Variants in CPSF3 observed in about 807,000 individuals in gnomAD.
CPSF3 encodes cleavage and polyadenylation specific factor 3.
A neutral mutation model predicts 84.1 loss-of-function variants in CPSF3; 57 were observed. That is an observed-to-expected ratio of 0.68 (90% CI 0.55 to 0.85). The LOEUF (loss-of-function observed/expected upper bound fraction) is 0.85, where lower values mean the gene tolerates loss of function less well. Among genes scored for constraint, CPSF3 ranks in the 40% least tolerant of loss-of-function variants. The pLI is 0.00. For synonymous variants in CPSF3, 275 were observed against 278.1 expected (o/e 0.99, Z 0.11); for missense variants, 522 against 838.8 (o/e 0.62, Z 4.66).
At chr2:9,460,915 TACCCTTC>T (rs1681708536) in intron 15 of CPSF3, among the ~76,000 whole-genome samples, 1 of 152,206 alleles carries the variant, frequency 6.6e-6, no homozygotes, top group South Asian at 2.1e-4. Flanking sequence ...CCTCAGCCTT[TACCCTTC>T]ACACACCATT....
At chr2:9,449,505 G>A (rs939986301) in intron 11 of CPSF3, among the ~76,000 whole-genome samples, 2 of 152,188 alleles carry the variant, frequency 1.3e-5, no homozygotes, top group Admixed American at 1.3e-4. Context: ...ACTTTGGGAG[G>A]CCAAGTCAGG....
chr2:9,423,941 T>C, intron 1 of CPSF3, 118 bp downstream of exon 1: 3 of 1,490,282 alleles, frequency 2.0e-6, no homozygotes, highest in Non-Finnish European at 2.7e-6. Flanking sequence ...CTGCCTTTGG[T>C]CCGCGCTTGC....
intron 14 of CPSF3, among the ~76,000 whole-genome samples, chr2:9,459,112 CAA>C (rs553161569): frequency 7.4e-6 from 1 of 135,588 alleles, no homozygotes; most frequent in Non-Finnish European, 1.6e-5. Flanking sequence ...AATTCCATCT[CAA>C]AAAAAAAAAA....
chr2:9,440,368 T>A, intron 7 of CPSF3, 123 bp from the exon 8 acceptor site: 1 of 833,098 alleles, frequency 1.2e-6, no homozygotes, highest in East Asian at 2.6e-5. Context: ...CTTTAAAATA[T>A]AGTTGTGTGC....
chr2:9,456,977 G>A lies in CPSF3; in HGVS notation c.1648G>A (p.Val550Met), dbSNP rs1448665915. Residue 550 changes from valine (V) to methionine (M), a missense_variant, in exon 14 of 18, where the codon GTG becomes ATG. Val to Met is a conservative substitution (Grantham distance 21, BLOSUM62 1). Coordinates refer to ENST00000238112, the MANE Select transcript of CPSF3 (RefSeq NM_016207.4). Reference sequence around the variant, plus strand: ...AATTCAAGAAAAACCTGCTCTGAAAGTGTTCAAAAATATTACTGTAATACA... The same window carrying A: ...AATTCAAGAAAAACCTGCTCTGAAAATGTTCAAAAATATTACTGTAATACA... ...LEIQEKPALK[V>M]FKNITVIQEP... is the part of the protein sequence containing the mutation. The A allele has an allele frequency of 1.2e-6, 2 of 1,604,310 alleles. No individual in the cohort carries two copies. The highest frequency in any genetic ancestry group is 2.2e-5 in the East Asian group (1 of 44,692).
intron 4 of CPSF3, 74 bp downstream of exon 4, chr2:9,430,954 G>A: frequency 1.7e-6 from 2 of 1,185,072 alleles, no homozygotes; most frequent in South Asian, 1.4e-5. Context: ...GGACCATTTT[G>A]TGTTTTAAAA....
chr2:9,433,835 C>T (rs1558450894), intron 5 of CPSF3, 36 bp from the exon 6 acceptor site: 1 of 1,451,082 alleles, frequency 6.9e-7, no homozygotes. Context: ...GAAGCCTTCC[C>T]CAAATCCTAA....
chr2:9,455,671 T>TGGC lies in CPSF3; in HGVS notation c.1518_1520dup (p.Ala507dup), dbSNP rs1373820471. On this transcript the variant is annotated inframe_insertion, in exon 13 of 18. Transcript: ENST00000238112. ...ATTTTCTCTTCAGATTATACTGACC[T>TGGC]GGCCATGAGCACGGTGAAGCAGACC... is the stretch of plus-strand genomic sequence containing the variant. The TGGC allele has an allele frequency of 7.4e-6, 12 of 1,613,576 alleles. No homozygotes were observed. Among genetic ancestry groups the TGGC allele is most frequent in the Non-Finnish European group, 1.0e-5 (12 of 1,179,496 alleles).
intron 6 of CPSF3, among the ~76,000 whole-genome samples, chr2:9,435,387 T>C (rs1053122707): frequency 6.6e-6 from 1 of 152,176 alleles, no homozygotes; most frequent in Non-Finnish European, 1.5e-5. Context: ...TTTTGGACTA[T>C]TTCATTTTAT....
intron 10 of CPSF3, among the ~76,000 whole-genome samples, chr2:9,447,172 C>G (rs1681153873): frequency 2.0e-5 from 3 of 152,128 alleles, no homozygotes; most frequent in African/African-American, 7.2e-5. Context: ...ATAAAATGTT[C>G]CATTTGGTTC....
At chr2:9,432,813 A>G (rs1680637803) in intron 5 of CPSF3, 125 bp downstream of exon 5, 2 of 642,444 alleles carry the variant, frequency 3.1e-6, no homozygotes, top group East Asian at 6.3e-5. Context: ...AACATAAGAT[A>G]AAAATACAGT....
chr2:9,432,583 C>T lies in CPSF3; in HGVS notation c.414C>T (p.Ile138=). Residue 138 remains isoleucine (I), a synonymous_variant, in exon 5 of 18, where the codon ATC becomes ATT. Coordinates refer to ENST00000238112, the MANE Select transcript of CPSF3 (RefSeq NM_016207.4). ...AAAGCATGGACAAAATTGAAACTAT[C>T]AACTTTCATGAAGTTAAGGAAGTTG... The part of the protein sequence containing the change: ...LEESMDKIET[I]NFHEVKEVAG... 6.4e-7 allele frequency: 1 copy of T among 1,573,026 alleles called. No individual in the cohort carries two copies. Among genetic ancestry groups the T allele is most frequent in the Non-Finnish European group, 8.7e-7 (1 of 1,150,928 alleles).
rs1216393477 is a variant in CPSF3 at position 9,444,158 on chromosome 2, A to ATAT, written c.1242+498_1242+499insATT. On this transcript the variant is annotated intron_variant, in intron 10 of 17. Coordinates refer to ENST00000238112, the MANE Select transcript of CPSF3 (RefSeq NM_016207.4). ...ATATATATTATATATATATATATAT[A>ATAT]TTTTTTTTTTTTTTGAGGCGGAGTC... Among the ~76,000 whole-genome samples the ATAT allele has an allele frequency of 8.0e-4, 98 of 123,164 alleles. 1 individual carries two copies. The highest frequency in any genetic ancestry group is 3.7e-3 in the African/African-American group (98 of 26,430). 80.8% of individuals were successfully genotyped at this position (123,164 alleles called of 152,430 possible). A position where few individuals can be genotyped will look rare whatever the true frequency, so the allele number is the denominator to read the frequency against.
In CPSF3 at chr2:9,471,482, TA is replaced by T. The variant is rs1373460838; in HGVS notation, c.1953+46del. On this transcript the variant is annotated intron_variant, in intron 17 of 17. Transcript: ENST00000238112. ...CCTACGTTTCAAGACATTTGGGAAA[TA>T]AAGTGAAGGCATAAATAATCTGTGC... 5.1e-6 allele frequency: 6 copies of T among 1,169,038 alleles called. No homozygotes were observed. In the Admixed American group the frequency reaches 1.0e-4, roughly 20 times the overall value. 72.4% of individuals were successfully genotyped at this position (1,169,038 alleles called of 1,614,324 possible).
At chr2:9,441,042 T>C (rs1680946768) in intron 8 of CPSF3, among the ~76,000 whole-genome samples, 1 of 152,240 alleles carries the variant, frequency 6.6e-6, no homozygotes, top group Non-Finnish European at 1.5e-5. Context: ...TCAGTATTTA[T>C]AATACTCATC....
At chr2:9,459,484 G>T in intron 14 of CPSF3, 47 bp from the exon 15 acceptor site, 5 of 1,183,074 alleles carry the variant, frequency 4.2e-6, no homozygotes, top group Non-Finnish European at 6.4e-6. Flanking sequence ...CTTTGTGGTT[G>T]GTCACCCTAG....
At chr2:9,429,507 C>T (rs1680502381) in intron 2 of CPSF3, among the ~76,000 whole-genome samples, 1 of 152,180 alleles carries the variant, frequency 6.6e-6, no homozygotes, top group African/African-American at 2.4e-5. Flanking sequence ...TCCCTAATGC[C>T]TTAAAATATT....
intron 10 of CPSF3, among the ~76,000 whole-genome samples, chr2:9,444,567 T>C (rs1681066908): frequency 6.6e-6 from 1 of 152,124 alleles, no homozygotes; most frequent in Non-Finnish European, 1.5e-5. Context: ...CCATAGAAAA[T>C]AGATGACGTG....
At position 9,430,833 on chromosome 2, in the gene CPSF3, C is replaced by T; in HGVS notation, c.294C>T (p.Ala98=). Residue 98 remains alanine, a synonymous_variant, in exon 4 of 18, where the codon GCC becomes GCT. Transcript: ENST00000238112. ...AAGGAAGAACATTTATGACTCATGCCACAAAAGCTATTTATAGATGGCTTC... is the reference window on the plus strand; with the variant it reads ...AAGGAAGAACATTTATGACTCATGCTACAAAAGCTATTTATAGATGGCTTC... ...SFKGRTFMTH[A]TKAIYRWLLS... is the part of the protein sequence containing the mutation. The T allele has an allele frequency of 2.5e-6, 4 of 1,613,000 alleles. No individual in the cohort carries two copies. The highest frequency in any genetic ancestry group is 3.4e-6 in the Non-Finnish European group (4 of 1,179,086).
Sources: allele counts gnomAD v4.1 joint callset (sites outside exome capture counted in the v4.1 genomes callset), GRCh38; gene constraint gnomAD v4.1.1; transcripts MANE v1.5; gene names NCBI Gene and HGNC (gene_info 2026-07-23, HGNC 2026-07-21).